The following PRR5L variants were observed in gnomAD, a reference collection of about 807,000 sequenced individuals.
The protein encoded by PRR5L is proline-rich protein 5-like.
Under a neutral mutation model 36.4 loss-of-function variants are expected in PRR5L, and 21 were observed. The ratio of observed to expected loss-of-function variants is 0.58; its 90% CI spans 0.41 to 0.83. The LOEUF (loss-of-function observed/expected upper bound fraction) is 0.83. PRR5L is among the 40% of genes least tolerant of loss of function. PRR5L has a pLI of 0.00. For missense variants in PRR5L, 381 were observed against 473.3 expected (o/e 0.80, Z 1.81); for synonymous variants, 188 against 197.0 (o/e 0.95, Z 0.38).
At chr11:36,303,484 A>G (rs1364075844) in intron 1 of PRR5L, among the ~76,000 whole-genome samples, 1 of 152,194 alleles carries the variant, frequency 6.6e-6, no homozygotes, top group East Asian at 1.9e-4. Flanking sequence ...CAACCTACAT[A>G]TCTCTTTCCT....
Position 36,370,653 on chromosome 11 carries a change from G to A in PRR5L, c.-125-30344G>A, listed in dbSNP as rs139969000. ...TCCCAGCACTTTGGGAGGCCAACGC[G>A]GGCAAATCACAAGGTCAGGAGTTTG... On this transcript the variant is annotated intron_variant, in intron 1 of 8. Transcript: ENST00000530639. Among the ~76,000 whole-genome samples the A allele has an allele frequency of 1.4e-4, 22 of 152,200 alleles. 1 individual carries two copies. In the East Asian group the frequency reaches 3.3e-3, roughly 23 times the overall value.
chr11:36,442,660 T>TA (rs56131059), intron 6 of PRR5L, among the ~76,000 whole-genome samples: 96,405 of 151,854 alleles, frequency 0.63, 31,035 homozygotes, highest in Non-Finnish European at 0.68. Flanking sequence ...TTTTACCAGA[T>TA]ACTCTAAGTC....
At chr11:36,424,744 A>T (rs984670345) in intron 4 of PRR5L, among the ~76,000 whole-genome samples, 4 of 152,158 alleles carry the variant, frequency 2.6e-5, no homozygotes, top group African/African-American at 9.7e-5. Context: ...CCGAACCAGG[A>T]GCTTCAGTAT....
intron 1 of PRR5L, among the ~76,000 whole-genome samples, chr11:36,378,692 G>C (rs1857318688): frequency 6.6e-6 from 1 of 152,140 alleles, no homozygotes; most frequent in African/African-American, 2.4e-5. Flanking sequence ...ACAAATATGT[G>C]CCACTTGTTT....
intron 1 of PRR5L, among the ~76,000 whole-genome samples, chr11:36,331,679 T>C (rs2133472621): frequency 6.6e-6 from 1 of 152,364 alleles, no homozygotes; most frequent in African/African-American, 2.4e-5. Flanking sequence ...AAAACTCATT[T>C]TCAAACCTTA....
At position 36,464,489 on chromosome 11, in the gene PRR5L, A is replaced by C. The variant is rs187548106; in HGVS notation, c.*1753A>C. On this transcript the variant is annotated 3_prime_UTR_variant, in exon 9 of 9. Coordinates refer to ENST00000530639, the MANE Select transcript of PRR5L (RefSeq NM_001160167.2). ...AAGAGTGATGGGAGAGAAATGTCCA[A>C]AAGAGATCTGCTGATCTGCTGAGAG... is the stretch of plus-strand genomic sequence containing the variant. 9.2e-5 allele frequency: 14 copies of C among 152,362 alleles called. No homozygotes were observed. Among genetic ancestry groups the C allele is most frequent in the Non-Finnish European group, 1.8e-4 (12 of 68,034 alleles). The allele number at this position is 152,362 out of a possible 1,614,324, so 9.4% of individuals were successfully genotyped here.
intron 5 of PRR5L, 118 bp downstream of exon 5, chr11:36,432,028 C>A: frequency 1.3e-6 from 1 of 774,706 alleles, no homozygotes; most frequent in Non-Finnish European, 2.2e-6. Flanking sequence ...TCACCCTGTC[C>A]GTTTCCTCCC....
intron 1 of PRR5L, chr11:36,362,058 C>CAAAAAA (rs35788169): frequency 4.8e-4 from 57 of 119,362 alleles, no homozygotes; most frequent in Admixed American, 1.9e-3. Flanking sequence ...ACATAAAAGG[C>CAAAAAA]AAAAAAAAAA....
intron 1 of PRR5L, among the ~76,000 whole-genome samples, chr11:36,337,233 G>A (rs952807077): frequency 2.0e-5 from 3 of 152,162 alleles, no homozygotes; most frequent in African/African-American, 7.2e-5. Flanking sequence ...GCCTTTCAGA[G>A]GTGATTAGGC....
intron 1 of PRR5L, among the ~76,000 whole-genome samples, chr11:36,353,226 A>G (rs987277546): frequency 6.6e-6 from 1 of 152,160 alleles, no homozygotes; most frequent in African/African-American, 2.4e-5. Flanking sequence ...TAGTGGTGAC[A>G]TTTAAAAACA....
intron 6 of PRR5L, among the ~76,000 whole-genome samples, chr11:36,445,092 T>C (rs1307451200): frequency 6.6e-6 from 1 of 152,192 alleles, no homozygotes; most frequent in Non-Finnish European, 1.5e-5. Flanking sequence ...TGGGTGGTGA[T>C]TGTGTGTATC....
Position 36,342,433 on chromosome 11 carries a change from G to A in PRR5L, c.-126+45995G>A, listed in dbSNP as rs193154633. Among the ~76,000 whole-genome samples the A allele has an allele frequency of 3.8e-3, 577 of 152,244 alleles. 12 individuals are homozygous for A. Among genetic ancestry groups the A allele is most frequent in the Non-Finnish European group, 1.3e-3 (91 of 68,004 alleles). ...GGGTTCAGGAGAAAGAAATGACTTC[G>A]AGAAATCCCAGGAGAGTCTCAGGCA... On this transcript the variant is annotated intron_variant, in intron 1 of 8. Transcript: ENST00000530639.
chr11:36,456,780 G>C (rs1859066714), intron 8 of PRR5L, among the ~76,000 whole-genome samples: 1 of 152,254 alleles, frequency 6.6e-6, no homozygotes, highest in African/African-American at 2.4e-5. Flanking sequence ...TTCCTCCTAA[G>C]AACTCGTGCC....
rs570588036 is a variant in PRR5L, at chr11:36,461,513, C to T, written c.713-829C>T. 3.3e-5 allele frequency among the ~76,000 whole-genome samples: 5 copies of T among 152,176 alleles called. No individual in the cohort carries two copies. In the East Asian group the frequency reaches 7.7e-4, roughly 24 times the overall value. On this transcript the variant is annotated intron_variant, in intron 8 of 8. Transcript: ENST00000530639. ...TGGTGGGCGCCTGTAGTCCCAGCAA[C>T]TCAGGAGGCTGAGGTGGGAGAATCA...
chr11:36,349,777 C>G (rs1323102508), intron 1 of PRR5L: 1 of 152,150 alleles, frequency 6.6e-6, no homozygotes, highest in Non-Finnish European at 1.5e-5. Context: ...TAAGCCCTAC[C>G]AATTAGCTGA....
At chr11:36,317,311 A>T (rs1041167239) in intron 1 of PRR5L, among the ~76,000 whole-genome samples, 1 of 152,202 alleles carries the variant, frequency 6.6e-6, no homozygotes, top group Non-Finnish European at 1.5e-5. Context: ...TAGCTGTGTG[A>T]TCTTGGGCAA....
chr11:36,448,032 T>A (rs1342071818), intron 7 of PRR5L, among the ~76,000 whole-genome samples: 3 of 152,116 alleles, frequency 2.0e-5, no homozygotes, highest in Admixed American at 6.5e-5. Flanking sequence ...GATTCCTTTG[T>A]GTTTTGGGCG....
chr11:36,452,108 A>C (rs1459052196), intron 8 of PRR5L, among the ~76,000 whole-genome samples: 2 of 152,228 alleles, frequency 1.3e-5, no homozygotes, highest in East Asian at 3.8e-4. Flanking sequence ...TATTGTCTGA[A>C]ATATAAACGC....
intron 1 of PRR5L, among the ~76,000 whole-genome samples, chr11:36,336,273 G>A (rs1379298481): frequency 6.6e-6 from 1 of 152,116 alleles, no homozygotes; most frequent in Admixed American, 6.5e-5. Flanking sequence ...CTGTTGCCCA[G>A]GCTAGAGTGC....
Sources: gnomAD v4.1 joint callset for allele counts (sites outside exome capture counted in the v4.1 genomes callset) on GRCh38, gnomAD v4.1.1 for gene constraint, MANE v1.5 for transcripts, NCBI Gene and HGNC (gene_info 2026-07-23, HGNC 2026-07-21) for gene names.